RGS5: variants seen among roughly 807,000 people sequenced by gnomAD.
The protein encoded by RGS5 is regulator of G-protein signalling 5.
Under a neutral mutation model 18.9 loss-of-function variants are expected in RGS5, and 20 were observed. That is an observed-to-expected ratio of 1.06 (90% CI 0.74 to 1.54). The LOEUF is 1.54. Among genes scored for constraint, RGS5 ranks in the 40% most tolerant of loss-of-function variants. The pLI is 0.00. For missense variants in RGS5, 201 were observed against 211.8 expected (o/e 0.95, Z 0.32); for synonymous variants, 57 against 76.2 (o/e 0.75, Z 1.31).
intron 1 of RGS5, among the ~76,000 whole-genome samples, chr1:163,313,230 AT>A (rs1649922694): frequency 6.6e-6 from 1 of 152,076 alleles, no homozygotes; most frequent in South Asian, 2.1e-4. Context: ...AAAAATAGTT[AT>A]TTTCTTTAAA....
intron 2 of RGS5, among the ~76,000 whole-genome samples, chr1:163,167,752 A>C (rs750480814): frequency 7.2e-5 from 11 of 152,198 alleles, no homozygotes; most frequent in Non-Finnish European, 1.5e-4. Context: ...CTTGAGGGGC[A>C]CTATCTTGGA....
intron 2 of RGS5, among the ~76,000 whole-genome samples, chr1:163,231,143 T>C (rs535791855): frequency 4.6e-5 from 7 of 152,184 alleles, no homozygotes; most frequent in African/African-American, 1.4e-4. Flanking sequence ...AGTACAAAGA[T>C]AACATTCAGA....
In RGS5 at chr1:163,175,621, T is replaced by C. The variant is rs151008137; in HGVS notation, c.45-7253A>G. ...ATTGTGGTGGAAAGAATCTATCATTTTGGCATCTACCATCTACCCTATTTC... is the reference window on the plus strand; with the variant it reads ...ATTGTGGTGGAAAGAATCTATCATTCTGGCATCTACCATCTACCCTATTTC... On this transcript the variant is annotated intron_variant, in intron 1 of 4. Transcript: ENST00000313961. Among the ~76,000 whole-genome samples, 7 of 152,304 alleles carry C rather than the reference T, an allele frequency of 4.6e-5. No individual in the cohort carries two copies. The East Asian group carries it at 1.4e-3, about 29-fold the overall frequency.
chr1:163,253,790 T>A (rs12082432), intron 2 of RGS5, among the ~76,000 whole-genome samples: 28,792 of 142,852 alleles, frequency 0.2, 3,173 homozygotes, highest in African/African-American at 0.28. Context: ...CCTAAAGCTA[T>A]CCCTCCCCCC....
At position 163,147,238 on chromosome 1, in the gene RGS5, T is replaced by G; in HGVS notation, c.*104A>C. 8.0e-7 allele frequency: 1 copy of G among 1,247,326 alleles called. No individual in the cohort carries two copies. Among genetic ancestry groups the G allele is most frequent in the Non-Finnish European group, 1.1e-6 (1 of 921,664 alleles). The allele number at this position is 1,247,326 out of a possible 1,614,324, so 77.3% of individuals were successfully genotyped here. A position where few individuals can be genotyped will look rare whatever the true frequency, so the allele number is the denominator to read the frequency against. ...CCCTGGGATTTTTCCCATGTGGGTA[T>G]CACTGAGCAAAGCTGCTGTGGGAAG... On this transcript the variant is annotated 3_prime_UTR_variant, in exon 5 of 5. Transcript: ENST00000313961.
intron 4 of RGS5, among the ~76,000 whole-genome samples, chr1:163,150,811 C>T (rs1657342555): frequency 6.6e-6 from 1 of 152,156 alleles, no homozygotes; most frequent in African/African-American, 2.4e-5. Context: ...TCCATCCACT[C>T]AAACACATTT....
At chr1:163,226,462 G>T (rs1390243661) in intron 2 of RGS5, among the ~76,000 whole-genome samples, 1 of 152,132 alleles carries the variant, frequency 6.6e-6, no homozygotes, top group African/African-American at 2.4e-5. Flanking sequence ...ATACCTTTGA[G>T]GAGGAAGCAC....
At position 163,214,253 on chromosome 1, in the gene RGS5, G is replaced by C. The variant is rs74117625; in HGVS notation, c.69+3273C>G. Among the ~76,000 whole-genome samples the C allele has an allele frequency of 2.0e-3, 302 of 151,958 alleles. 1 individual carries two copies. Among genetic ancestry groups the C allele is most frequent in the African/African-American group, 7.1e-3 (293 of 41,262 alleles). ...CTCACACAGGAGAGACAGATTTCATGTTAAATCTGTGATCAGTAACTTCAA... is the reference window on the plus strand; with the variant it reads ...CTCACACAGGAGAGACAGATTTCATCTTAAATCTGTGATCAGTAACTTCAA... On this transcript the variant is annotated intron_variant, in intron 1 of 5. Coordinates refer to the RGS5 transcript ENST00000367903.
intron 1 of RGS5, among the ~76,000 whole-genome samples, chr1:163,175,112 G>A (rs1239169321): frequency 2.0e-5 from 3 of 152,104 alleles, no homozygotes; most frequent in Non-Finnish European, 2.9e-5. Context: ...AAAAGAACAT[G>A]TCTGGAATAG....
At chr1:163,208,861 T>A (rs1557906154) in intron 1 of RGS5, among the ~76,000 whole-genome samples, 5 of 152,036 alleles carry the variant, frequency 3.3e-5, no homozygotes, top group Admixed American at 2.0e-4. Context: ...GCATGCCTCA[T>A]TCTTAGTACA....
At chr1:163,216,376 C>T (rs1352909920) in intron 1 of RGS5, among the ~76,000 whole-genome samples, 6 of 152,096 alleles carry the variant, frequency 3.9e-5, no homozygotes, top group Non-Finnish European at 7.4e-5. Flanking sequence ...AAATTTTAAC[C>T]ATATGAAAAG....
intron 4 of RGS5, among the ~76,000 whole-genome samples, chr1:163,150,141 G>T (rs1336556547): frequency 6.6e-6 from 1 of 152,106 alleles, no homozygotes; most frequent in Non-Finnish European, 1.5e-5. Flanking sequence ...CTGTATTTGG[G>T]TCTAATGTAT....
At chr1:163,240,170 A>G (rs1374612961) in intron 2 of RGS5, among the ~76,000 whole-genome samples, 1 of 152,136 alleles carries the variant, frequency 6.6e-6, no homozygotes, top group Non-Finnish European at 1.5e-5. Flanking sequence ...ATAAAATAAT[A>G]TCTTTATTCA....
chr1:163,228,986 C>A (rs763804643), intron 2 of RGS5, among the ~76,000 whole-genome samples: 1 of 152,162 alleles, frequency 6.6e-6, no homozygotes, highest in Non-Finnish European at 1.5e-5. Flanking sequence ...CTAGGAAGTT[C>A]CAAATTTTCC....
chr1:163,316,029 C>T (rs547649897), intron 1 of RGS5, among the ~76,000 whole-genome samples: 21 of 152,172 alleles, frequency 1.4e-4, no homozygotes, highest in Non-Finnish European at 2.4e-4. Context: ...TTACCATTTT[C>T]TTTAAATACT....
intron 3 of RGS5, among the ~76,000 whole-genome samples, chr1:163,159,261 C>T (rs555123527): frequency 2.0e-5 from 3 of 152,072 alleles, no homozygotes; most frequent in African/African-American, 7.2e-5. Context: ...ATGAAGATTA[C>T]GGGATTAAGA....
intron 1 of RGS5, among the ~76,000 whole-genome samples, chr1:163,186,263 G>A (rs187708876): frequency 2.1e-3 from 314 of 151,842 alleles, no homozygotes; most frequent in South Asian, 0.014. Context: ...TAGAGACGGG[G>A]TTTCACCATG....
chr1:163,180,691 T>TTTTTG (rs1658788728), intron 1 of RGS5, among the ~76,000 whole-genome samples: 1 of 119,164 alleles, frequency 8.4e-6, no homozygotes, highest in Non-Finnish European at 1.7e-5. Context: ...ACCCTGTTTT[T>TTTTTG]TTTTTTTTTT....
intron 1 of RGS5, chr1:163,172,420 G>A (rs1658344910): frequency 1.2e-6 from 1 of 860,048 alleles, no homozygotes; most frequent in African/African-American, 1.7e-5. Context: ...AAACCAGGAT[G>A]AATCAGTACC....
Sources: allele counts gnomAD v4.1 joint callset (sites outside exome capture counted in the v4.1 genomes callset), GRCh38; gene constraint gnomAD v4.1.1; transcripts MANE v1.5; gene names NCBI Gene and HGNC (gene_info 2026-07-23, HGNC 2026-07-21).